PFDN1: variants seen among roughly 807,000 people sequenced by gnomAD.
PFDN1 encodes prefoldin subunit 1, also known as prefoldin 1.
A neutral mutation model predicts 17.3 loss-of-function variants in PFDN1; 6 were observed. That is an observed-to-expected ratio of 0.35 (90% CI 0.19 to 0.69). The LOEUF (loss-of-function observed/expected upper bound fraction) is 0.69, where lower values mean the gene tolerates loss of function less well. Ranked by LOEUF, PFDN1 falls within the 30% of genes least tolerant of loss-of-function variation. The pLI, the probability that PFDN1 is intolerant of heterozygous loss-of-function variation, is 0.65. For synonymous variants in PFDN1, 58 were observed against 50.1 expected (o/e 1.16, Z -0.67); for missense variants, 113 against 146.2 (o/e 0.77, Z 1.17).
intron 3 of PFDN1, among the ~76,000 whole-genome samples, chr5:140,251,388 C>T (rs1764910557): frequency 2.0e-5 from 3 of 152,178 alleles, no homozygotes; most frequent in South Asian, 2.1e-4. Flanking sequence ...AAACAGAACA[C>T]GCCCTAACAG....
At chr5:140,288,088 A>G (rs1765524317) in intron 2 of PFDN1, among the ~76,000 whole-genome samples, 1 of 152,270 alleles carries the variant, frequency 6.6e-6, no homozygotes, top group Non-Finnish European at 1.5e-5. Flanking sequence ...AAATGAGTTG[A>G]AAACTTCCAT....
chr5:140,266,408 T>C (rs1765134324), intron 3 of PFDN1, among the ~76,000 whole-genome samples: 1 of 152,228 alleles, frequency 6.6e-6, no homozygotes, highest in South Asian at 2.1e-4. Context: ...AATGTCTAAC[T>C]GCTCAGATCC....
intron 3 of PFDN1, chr5:140,281,248 G>T: frequency 2.3e-6 from 1 of 442,326 alleles, no homozygotes; most frequent in South Asian, 3.2e-5. Context: ...TTCCAAAGAA[G>T]AGACTATTCT....
intron 2 of PFDN1, among the ~76,000 whole-genome samples, chr5:140,284,922 T>C (rs1158115073): frequency 6.6e-6 from 1 of 152,248 alleles, no homozygotes; most frequent in Admixed American, 6.5e-5. Context: ...CTTTCGGTTT[T>C]GATTATTTGA....
intron 3 of PFDN1, among the ~76,000 whole-genome samples, chr5:140,253,993 G>A (rs77687712): frequency 2.0e-5 from 3 of 152,306 alleles, no homozygotes; most frequent in African/African-American, 7.2e-5. Context: ...CCACACTGAA[G>A]TTTGAGACTC....
intron 2 of PFDN1, among the ~76,000 whole-genome samples, chr5:140,284,145 C>T (rs547135574): frequency 2.6e-5 from 4 of 152,290 alleles, no homozygotes; most frequent in Admixed American, 6.5e-5. Flanking sequence ...AACAAAAACA[C>T]GTTTTTCCAT....
intron 3 of PFDN1, among the ~76,000 whole-genome samples, chr5:140,263,978 G>A (rs544288340): frequency 6.4e-4 from 83 of 130,682 alleles, no homozygotes; most frequent in African/African-American, 1.9e-3. Context: ...CCGAGATTGC[G>A]CCACTGCACT....
chr5:140,284,018 A>C (rs968062848), intron 2 of PFDN1, among the ~76,000 whole-genome samples: 9 of 152,264 alleles, frequency 5.9e-5, no homozygotes, highest in African/African-American at 1.9e-4. Context: ...GGAAAATTTC[A>C]AAGCTAAGAT....
chr5:140,248,029 G>A (rs1011931737), intron 3 of PFDN1, among the ~76,000 whole-genome samples: 1 of 151,844 alleles, frequency 6.6e-6, no homozygotes, highest in African/African-American at 2.4e-5. Context: ...TCCTATCACT[G>A]TGATATCAGA....
chr5:140,291,315 A>C lies in PFDN1; in HGVS notation c.200+9101T>G, dbSNP rs183718159. 5.3e-5 allele frequency among the ~76,000 whole-genome samples: 8 copies of C among 152,316 alleles called. No homozygotes were observed. The East Asian group carries it at 1.5e-3, about 29-fold the overall frequency. ...TAGAAGTCTTCAGATTCTGAACAAA[A>C]TTTAAAGATAGAGTCAACAGTATTT... is the stretch of plus-strand genomic sequence containing the variant. On this transcript the variant is annotated intron_variant, in intron 2 of 3. Transcript: ENST00000261813.
At chr5:140,301,273 G>A (rs1183884187) in intron 1 of PFDN1, among the ~76,000 whole-genome samples, 1 of 152,160 alleles carries the variant, frequency 6.6e-6, no homozygotes, top group Non-Finnish European at 1.5e-5. Context: ...GGAAGACCAA[G>A]AAAGAGAGTG....
intron 2 of PFDN1, among the ~76,000 whole-genome samples, chr5:140,285,994 TA>T (rs1765481919): frequency 6.6e-6 from 1 of 151,920 alleles, no homozygotes; most frequent in Non-Finnish European, 1.5e-5. Context: ...TAAATTTTTT[TA>T]AAAAAGAATG....
At chr5:140,251,908 TAA>T (rs1764918994) in intron 3 of PFDN1, among the ~76,000 whole-genome samples, 1 of 152,208 alleles carries the variant, frequency 6.6e-6, no homozygotes, top group African/African-American at 2.4e-5. Flanking sequence ...ACTCCTGAGG[TAA>T]TACATCTTGT....
intron 2 of PFDN1, among the ~76,000 whole-genome samples, chr5:140,298,727 T>C (rs544619851): frequency 6.6e-6 from 1 of 152,100 alleles, no homozygotes; most frequent in Non-Finnish European, 1.5e-5. Flanking sequence ...ATTAGAACAA[T>C]GCATGACACT....
intron 3 of PFDN1, among the ~76,000 whole-genome samples, chr5:140,276,015 TTGATGATGATGATGATGATGA>T (rs57224353): frequency 4.7e-5 from 7 of 149,256 alleles, no homozygotes; most frequent in Admixed American, 3.3e-4. Context: ...AGAAGAGAAA[TTGATGATGATGATGATGATGA>T]TGATGATGAT....
chr5:140,245,146 G>A lies in PFDN1; in HGVS notation c.*828C>T, dbSNP rs374673889. On this transcript the variant is annotated 3_prime_UTR_variant, in exon 4 of 4. Transcript: ENST00000261813. The stretch of plus-strand genomic sequence containing the variant: ...TTACATAATTATAATGGCTGTGTTT[G>A]ACAACTGGCTTGCAACAAAATTCTT... 45 of 273,918 alleles carry A rather than the reference G, an allele frequency of 1.6e-4. No homozygotes were observed. The highest frequency in any genetic ancestry group is 7.7e-4 in the African/African-American group (35 of 45,664). 17.0% of individuals were successfully genotyped at this position (273,918 alleles called of 1,614,324 possible).
intron 2 of PFDN1, among the ~76,000 whole-genome samples, chr5:140,289,238 A>G (rs1005121576): frequency 6.6e-5 from 10 of 152,094 alleles, no homozygotes; most frequent in African/African-American, 2.2e-4. Context: ...GTAAGCCACA[A>G]TCACACTACT....
intron 3 of PFDN1, among the ~76,000 whole-genome samples, chr5:140,256,741 A>G (rs923920875): frequency 2.0e-5 from 3 of 150,356 alleles, no homozygotes; most frequent in Admixed American, 6.6e-5. Context: ...CTTTTCCTCA[A>G]TCCCCACACC....
chr5:140,253,750 C>T (rs1764949105), intron 3 of PFDN1, among the ~76,000 whole-genome samples: 1 of 152,194 alleles, frequency 6.6e-6, no homozygotes. Flanking sequence ...CAGCTGAAGT[C>T]GGTGGGGACT....
Sources: gnomAD v4.1 joint callset for allele counts (sites outside exome capture counted in the v4.1 genomes callset) on GRCh38, gnomAD v4.1.1 for gene constraint, MANE v1.5 for transcripts, NCBI Gene and HGNC (gene_info 2026-07-23, HGNC 2026-07-21) for gene names.